Variants in ACOT7 observed in about 807,000 individuals in gnomAD.
ACOT7 encodes the protein cytosolic acyl coenzyme A thioester hydrolase.
In ACOT7, 12 loss-of-function variants were observed where a neutral mutation model predicts 40.2. The ratio of observed to expected loss-of-function variants is 0.30; its 90% confidence interval spans 0.19 to 0.48. ACOT7 has a LOEUF of 0.48. Ranked by LOEUF, ACOT7 falls within the 20% of genes least tolerant of loss-of-function variation. The probability of loss-of-function intolerance (pLI) is 0.99; values close to 1 mark genes in which losing one functional copy is unlikely to be tolerated. For synonymous variants in ACOT7, 228 were observed against 219.5 expected, an observed-to-expected ratio of 1.04 and a Z score of -0.34; for missense variants, 395 against 530.8, an observed-to-expected ratio of 0.74 and a Z score of 2.51.
At chr1:6,337,715 C>T (rs1444767311) in intron 3 of ACOT7, among the ~76,000 whole-genome samples, 1 of 152,168 alleles carries the variant, frequency 6.6e-6, no homozygotes, top group Non-Finnish European at 1.5e-5. Flanking sequence ...TGGCTCATGC[C>T]TGTAATCCCA....
chr1:6,322,012 C>A (rs1640659077), intron 5 of ACOT7, among the ~76,000 whole-genome samples: 1 of 152,140 alleles, frequency 6.6e-6, no homozygotes, highest in Admixed American at 6.5e-5. Flanking sequence ...CACCCCTAGA[C>A]CCTGGCAGGC....
chr1:6,332,782 C>T (rs1337246862), intron 4 of ACOT7, among the ~76,000 whole-genome samples: 2 of 151,696 alleles, frequency 1.3e-5, no homozygotes, highest in African/African-American at 4.8e-5. Flanking sequence ...GATCGCGCCA[C>T]TGCACTCCAG....
chr1:6,300,072 G>C (rs1001313792), intron 6 of ACOT7, among the ~76,000 whole-genome samples: 2 of 152,212 alleles, frequency 1.3e-5, no homozygotes, highest in African/African-American at 4.8e-5. Context: ...GTGTGTGCTG[G>C]GGAGACACAT....
In ACOT7 at chr1:6,360,769, G is replaced by A. The variant is rs948194314; in HGVS notation, c.144-10903C>T. 4 of 1,533,852 alleles carry A rather than the reference G, an allele frequency of 2.6e-6. No homozygotes were observed. In the South Asian group the frequency reaches 4.8e-5, roughly 19 times the overall value. Reference sequence around the variant, plus strand: ...GACTTGGCCTCATCCCTCCAGGCGGGCATTGCTGCCTCCCTAAGCAACCCT... The same window carrying A: ...GACTTGGCCTCATCCCTCCAGGCGGACATTGCTGCCTCCCTAAGCAACCCT... On this transcript the variant is annotated intron_variant, in intron 1 of 8. Transcript: ENST00000361521.
At chr1:6,380,410 C>T (rs936808011) in intron 1 of ACOT7, among the ~76,000 whole-genome samples, 2 of 151,134 alleles carry the variant, frequency 1.3e-5, no homozygotes, top group African/African-American at 2.4e-5. Context: ...CCAGCCTGAC[C>T]GACATGGTGA....
intron 8 of ACOT7, among the ~76,000 whole-genome samples, chr1:6,269,184 G>C (rs1638947658): frequency 6.6e-6 from 1 of 152,256 alleles, no homozygotes; most frequent in African/African-American, 2.4e-5. Context: ...CGGGTAAGGG[G>C]AGAGCCTCCA....
In ACOT7 at chr1:6,358,515, T is replaced by A. The variant is rs1331663196; in HGVS notation, c.144-8649A>T. ...CAGAGGGAAGCCACAGGAGCAAGGC[T>A]GGAAAGAAAACCAGGTGCCTTCCTC... On this transcript the variant is annotated intron_variant, in intron 1 of 8. Transcript: ENST00000361521. The surrounding 1 kb of genome is among the most constrained non-coding windows in gnomAD (Gnocchi z 4.1). Among the ~76,000 whole-genome samples, 2 of 152,192 alleles carry A rather than the reference T, an allele frequency of 1.3e-5. No homozygotes were observed. Among genetic ancestry groups the A allele is most frequent in the Non-Finnish European group, 2.9e-5 (2 of 68,022 alleles).
rs1639170288 is a variant in ACOT7 at position 6,275,739 on chromosome 1, A to G, written c.1014+5363T>C. 6.6e-6 allele frequency among the ~76,000 whole-genome samples: 1 copy of G among 151,382 alleles called. No individual in the cohort carries two copies. The highest frequency in any genetic ancestry group is 6.6e-5 in the Admixed American group (1 of 15,202). ...CTCAAAAAAAAAAAAAAAAAAAAAA[A>G]AAGATGGCCGCACCTGCCTTCATTA... On this transcript the variant is annotated intron_variant, in intron 8 of 8. Transcript: ENST00000361521. This position sits in a 1 kb window ranked among gnomAD's most constrained non-coding sequence, Gnocchi z 5.6.
rs755598589 is a variant in ACOT7 at position 6,264,615 on chromosome 1, G to A, written c.1095C>T (p.His365=). Residue 365 remains histidine, a synonymous_variant, in exon 9 of 9, where the codon CAC becomes CAT. Coordinates refer to ENST00000361521, the MANE Select transcript of ACOT7 (RefSeq NM_007274.4). The part of the protein sequence containing the change: ...YLQMKAKRQG[H]AEPQP ...AGGGAGTCTAGGGCTGAGGCTCCGC[G>A]TGGCCCTGTCGCTTCGCCTTCATCT... is the stretch of plus-strand genomic sequence containing the variant. 39 of 1,612,732 alleles carry A rather than the reference G, an allele frequency of 2.4e-5. No homozygotes were observed. The highest frequency in any genetic ancestry group is 1.6e-4 in the Middle Eastern group (1 of 6,080).
At chr1:6,339,643 C>G in intron 2 of ACOT7, 54 bp from the exon 3 acceptor site, 1 of 1,590,858 alleles carries the variant, frequency 6.3e-7, no homozygotes, top group Admixed American at 1.7e-5. Flanking sequence ...GCCCCGAGAG[C>G]CCCACCCAGG....
At chr1:6,344,251 A>C (rs1014832597) in intron 2 of ACOT7, among the ~76,000 whole-genome samples, 3 of 152,150 alleles carry the variant, frequency 2.0e-5, no homozygotes, top group Non-Finnish European at 4.4e-5. Context: ...CGCTCAGAGG[A>C]GGCACAAAAG....
intron 7 of ACOT7, among the ~76,000 whole-genome samples, chr1:6,290,087 G>T (rs890736465): frequency 5.3e-4 from 80 of 152,104 alleles, no homozygotes; most frequent in African/African-American, 1.8e-3. Context: ...GTCAGCACGA[G>T]GGGGGGAATG....
chr1:6,315,319 G>A (rs1640459469), intron 6 of ACOT7, among the ~76,000 whole-genome samples: 1 of 152,224 alleles, frequency 6.6e-6, no homozygotes. Flanking sequence ...ACAGTTTAGT[G>A]AAGATTTTGA....
chr1:6,323,300 G>T (rs1026401929), intron 5 of ACOT7, among the ~76,000 whole-genome samples: 5 of 152,178 alleles, frequency 3.3e-5, no homozygotes, highest in African/African-American at 1.2e-4. Flanking sequence ...ATGAGTCCCA[G>T]TCATTTCGTG....
At chr1:6,280,959 G>T in intron 8 of ACOT7, 143 bp downstream of exon 8, 1 of 1,166,776 alleles carries the variant, frequency 8.6e-7, no homozygotes, top group Non-Finnish European at 1.2e-6. Flanking sequence ...ACCGGTCACG[G>T]CAGTGGCCAG....
chr1:6,344,236 A>G (rs1343007192), intron 2 of ACOT7, among the ~76,000 whole-genome samples: 4 of 152,194 alleles, frequency 2.6e-5, no homozygotes, highest in Non-Finnish European at 5.9e-5. Context: ...GGCAGGTCCA[A>G]GGGTCGCTCA....
chr1:6,281,422 T>C (rs1639357225), intron 7 of ACOT7, 136 bp from the exon 8 acceptor site: 1 of 708,564 alleles, frequency 1.4e-6, no homozygotes, highest in Admixed American at 2.3e-5. Flanking sequence ...GATGTTCAAA[T>C]AACAGAATAT....
intron 2 of ACOT7, among the ~76,000 whole-genome samples, chr1:6,344,036 C>T (rs1443468608): frequency 6.6e-6 from 1 of 152,186 alleles, no homozygotes; most frequent in Non-Finnish European, 1.5e-5. Flanking sequence ...TGAGAGGCAT[C>T]TGAGCTGAGG....
In ACOT7 at chr1:6,275,651, C is replaced by T. The variant is rs919959951; in HGVS notation, c.1014+5451G>A. 4.4e-5 allele frequency among the ~76,000 whole-genome samples: 6 copies of T among 135,988 alleles called. No homozygotes were observed. Among genetic ancestry groups the T allele is most frequent in the African/African-American group, 1.7e-4 (6 of 35,634 alleles). The allele number at this position is 135,988 out of a possible 152,430, so 89.2% of individuals were successfully genotyped here. On this transcript the variant is annotated intron_variant, in intron 8 of 8. Coordinates refer to ENST00000361521, the MANE Select transcript of ACOT7 (RefSeq NM_007274.4). The surrounding 1 kb of genome is among the most constrained non-coding windows in gnomAD (Gnocchi z 5.6). ...AGAATCGTTTGAACCCGGGAGGCAG[C>T]GGTTGCAGTGAGCCGAGATCCAGCC...
Sources: allele counts gnomAD v4.1 joint callset (sites outside exome capture counted in the v4.1 genomes callset), GRCh38; gene constraint gnomAD v4.1.1; non-coding constraint Gnocchi (gnomAD v3.1); transcripts MANE v1.5; gene names NCBI Gene and HGNC (gene_info 2026-07-23, HGNC 2026-07-21).